Variants in PTPRN2 observed in about 807,000 individuals in gnomAD.
The protein encoded by PTPRN2 is protein tyrosine phosphatase receptor type N2.
A neutral mutation model predicts 118.8 loss-of-function variants in PTPRN2; 74 were observed. The observed-to-expected ratio is 0.62, with a 90% CI of 0.52 to 0.76. The LOEUF is 0.76. PTPRN2 is among the 30% of genes least tolerant of loss of function. The pLI is 0.00. For missense variants in PTPRN2, 1,481 were observed against 1,394.4 expected (o/e 1.06, Z -0.99); for synonymous variants, 641 against 608.0 (o/e 1.05, Z -0.80).
intron 12 of PTPRN2, among the ~76,000 whole-genome samples, chr7:157,818,973 C>A (rs73165864): frequency 0.061 from 9,297 of 152,020 alleles, 366 homozygotes; most frequent in Middle Eastern, 0.15. Flanking sequence ...TCAGGACAGG[C>A]CAGGCCCAGG....
At chr7:158,483,248 C>A (rs1029807733) in intron 2 of PTPRN2, among the ~76,000 whole-genome samples, 2 of 152,144 alleles carry the variant, frequency 1.3e-5, no homozygotes, top group East Asian at 3.8e-4. Context: ...CAGCCATGAA[C>A]CTGGAGAGGG....
intron 2 of PTPRN2, among the ~76,000 whole-genome samples, chr7:158,462,088 G>GCAGGAGC (rs1211994969): frequency 5.5e-5 from 1 of 18,152 alleles, no homozygotes; most frequent in African/African-American, 1.5e-4. Flanking sequence ...GCCCTGTGCT[G>GCAGGAGC]CTCTGCTTTC....
chr7:157,613,824 C>G (rs1037033704), intron 15 of PTPRN2, among the ~76,000 whole-genome samples: 3 of 152,188 alleles, frequency 2.0e-5, no homozygotes, highest in Non-Finnish European at 2.9e-5. Context: ...CCGAGGGCAC[C>G]CCGGGCCGCC....
chr7:158,102,328 C>T (rs1815296381), intron 10 of PTPRN2, among the ~76,000 whole-genome samples: 1 of 152,206 alleles, frequency 6.6e-6, no homozygotes, highest in African/African-American at 2.4e-5. Flanking sequence ...CCCGAGGATG[C>T]TTTATTCCAA....
intron 6 of PTPRN2, among the ~76,000 whole-genome samples, chr7:158,164,606 C>T (rs1241963593): frequency 6.6e-6 from 1 of 152,156 alleles, no homozygotes; most frequent in Non-Finnish European, 1.5e-5. Flanking sequence ...TGAGCTCACC[C>T]TCACCCGGCT....
intron 2 of PTPRN2, among the ~76,000 whole-genome samples, chr7:158,348,335 C>T (rs199645888): frequency 2.2e-4 from 30 of 134,854 alleles, no homozygotes; most frequent in South Asian, 7.7e-4. Context: ...CCCTGGGGTC[C>T]CCATTCACAG....
At chr7:158,322,005 T>A (rs1803061621) in intron 2 of PTPRN2, among the ~76,000 whole-genome samples, 1 of 152,206 alleles carries the variant, frequency 6.6e-6, no homozygotes, top group African/African-American at 2.4e-5. Context: ...CGATGACGGC[T>A]TCGTGCCTTC....
chr7:157,851,633 T>C (rs1252875134), intron 12 of PTPRN2, among the ~76,000 whole-genome samples: 1 of 152,188 alleles, frequency 6.6e-6, no homozygotes, highest in Non-Finnish European at 1.5e-5. Context: ...GTGTCCCTGC[T>C]CTGCAGAGAC....
At chr7:157,895,386 C>A (rs921022660) in intron 12 of PTPRN2, among the ~76,000 whole-genome samples, 2 of 148,258 alleles carry the variant, frequency 1.3e-5, no homozygotes, top group African/African-American at 5.0e-5. Flanking sequence ...TGAACGAGAC[C>A]ATAAAATAAG....
intron 11 of PTPRN2, among the ~76,000 whole-genome samples, chr7:158,010,644 A>T (rs4716877): frequency 0.84 from 128,099 of 152,274 alleles, 53,978 homozygotes; most frequent in East Asian, 0.88. Context: ...TAGCACCAGT[A>T]AAAGTTATTC....
intron 2 of PTPRN2, among the ~76,000 whole-genome samples, chr7:158,339,613 AAGTG>A (rs1806267297): frequency 6.8e-5 from 1 of 14,756 alleles, no homozygotes; most frequent in Non-Finnish European, 1.5e-4. Context: ...TCACCATAAG[AAGTG>A]ACACCTGCAA....
At chr7:157,958,285 T>C (rs1563274257) in intron 11 of PTPRN2, among the ~76,000 whole-genome samples, 1 of 151,988 alleles carries the variant, frequency 6.6e-6, no homozygotes, top group Non-Finnish European at 1.5e-5. Context: ...AATCTGCAGC[T>C]AATGTAACAC....
At position 157,974,921 on chromosome 7, in the gene PTPRN2, A is replaced by G. The variant is rs936168831; in HGVS notation, c.1724-76184T>C. On this transcript the variant is annotated intron_variant, in intron 11 of 22. Transcript: ENST00000389418. This position sits in a 1 kb window ranked among gnomAD's most constrained non-coding sequence, Gnocchi z 4.0. ...CACCATCATGGCGCACATGTCTGGG[A>G]GTGAGCAGAGGACCAGGGTATGGAA... 6.6e-6 allele frequency among the ~76,000 whole-genome samples: 1 copy of G among 151,934 alleles called. No homozygotes were observed. The highest frequency in any genetic ancestry group is 2.4e-5 in the African/African-American group (1 of 41,336).
intron 17 of PTPRN2, among the ~76,000 whole-genome samples, chr7:157,594,112 C>T (rs1183312195): frequency 3.3e-5 from 5 of 152,214 alleles, no homozygotes; most frequent in African/African-American, 9.6e-5. Context: ...TTCAAATGCT[C>T]ACCATGCAAG....
chr7:157,586,758 G>A (rs1800698251), intron 17 of PTPRN2, among the ~76,000 whole-genome samples: 5 of 152,314 alleles, frequency 3.3e-5, no homozygotes, highest in African/African-American at 9.6e-5. Context: ...CAGGGTCCCC[G>A]CTGTTGGACA....
intron 1 of PTPRN2, among the ~76,000 whole-genome samples, chr7:158,548,833 C>T (rs1563422800): frequency 1.3e-5 from 2 of 152,318 alleles, no homozygotes; most frequent in East Asian, 1.9e-4. Context: ...CAGGAGGGGG[C>T]TCTACAGGAT....
At chr7:157,568,491 G>T (rs958694813) in intron 21 of PTPRN2, among the ~76,000 whole-genome samples, 20 of 152,090 alleles carry the variant, frequency 1.3e-4, no homozygotes, top group African/African-American at 4.8e-4. Flanking sequence ...GACAACAGTG[G>T]AGTTACACCA....
chr7:157,545,379 TGA>T (rs1798258586), intron 22 of PTPRN2, among the ~76,000 whole-genome samples: 1 of 148,842 alleles, frequency 6.7e-6, no homozygotes, highest in Non-Finnish European at 1.5e-5. Context: ...AGTGTGTGGC[TGA>T]GTGTGGGTGT....
chr7:158,521,181 A>C, intron 1 of PTPRN2, among the ~76,000 whole-genome samples: 1 of 152,110 alleles, frequency 6.6e-6, no homozygotes. Context: ...TTGTTATTTT[A>C]TATTTTTTTC....
Sources: allele counts gnomAD v4.1 joint callset (sites outside exome capture counted in the v4.1 genomes callset), GRCh38; gene constraint gnomAD v4.1.1; non-coding constraint Gnocchi (gnomAD v3.1); transcripts MANE v1.5; gene names NCBI Gene and HGNC (gene_info 2026-07-23, HGNC 2026-07-21).